The following GABRG3 variants were observed in gnomAD, a reference collection of about 807,000 sequenced individuals.
GABRG3 encodes gamma-aminobutyric acid type A receptor subunit gamma3.
In GABRG3, 25 loss-of-function variants were observed where a neutral mutation model predicts 48.8. That is an observed-to-expected ratio of 0.51 (90% CI 0.37 to 0.72). The LOEUF (loss-of-function observed/expected upper bound fraction) is 0.72, where lower values mean the gene tolerates loss of function less well. GABRG3 is among the 30% of genes least tolerant of loss of function. GABRG3 has a pLI of 0.00. For missense variants in GABRG3, 394 were observed against 577.9 expected (o/e 0.68, Z 3.26); for synonymous variants, 227 against 217.6 (o/e 1.04, Z -0.38).
intron 6 of GABRG3, among the ~76,000 whole-genome samples, chr15:27,508,603 T>A (rs1890817182): frequency 6.6e-6 from 1 of 152,208 alleles, no homozygotes; most frequent in East Asian, 1.9e-4. Context: ...AGTTTCTGAA[T>A]ATATTATATT....
chr15:27,203,574 G>A (rs1382170181), intron 3 of GABRG3, among the ~76,000 whole-genome samples: 1 of 152,110 alleles, frequency 6.6e-6, no homozygotes, highest in East Asian at 1.9e-4. Flanking sequence ...TGGGATTGTT[G>A]GGTCGAATTA....
intron 3 of GABRG3, among the ~76,000 whole-genome samples, chr15:27,249,876 AATTAC>A (rs1890398979): frequency 6.6e-6 from 1 of 152,186 alleles, no homozygotes; most frequent in Non-Finnish European, 1.5e-5. Flanking sequence ...GCATTAAGAT[AATTAC>A]ATTATCATAA....
chr15:26,977,430 G>A (rs548739451), intron 2 of GABRG3, among the ~76,000 whole-genome samples: 10 of 152,236 alleles, frequency 6.6e-5, no homozygotes, highest in South Asian at 4.2e-4. Flanking sequence ...AGTGGATCTC[G>A]TATCACCTCT....
intron 6 of GABRG3, among the ~76,000 whole-genome samples, chr15:27,507,267 G>A (rs1347697204): frequency 6.6e-6 from 1 of 152,034 alleles, no homozygotes; most frequent in Non-Finnish European, 1.5e-5. Context: ...TATTTTTCAG[G>A]CTGAGGCAGG....
chr15:27,040,664 C>A (rs945833200), intron 3 of GABRG3, among the ~76,000 whole-genome samples: 10 of 152,178 alleles, frequency 6.6e-5, no homozygotes, highest in Non-Finnish European at 8.8e-5. Flanking sequence ...AAGATAGAAG[C>A]GTCCTTGGAA....
chr15:27,101,735 C>A (rs1308501777), intron 3 of GABRG3, among the ~76,000 whole-genome samples: 3 of 151,356 alleles, frequency 2.0e-5, no homozygotes, highest in Non-Finnish European at 4.4e-5. Context: ...AAACAACACC[C>A]TAGACCAGGG....
chr15:27,473,683 T>C (rs1377211218), intron 5 of GABRG3, among the ~76,000 whole-genome samples: 1 of 152,212 alleles, frequency 6.6e-6, no homozygotes, highest in African/African-American at 2.4e-5. Context: ...AGTCAGGTAA[T>C]AGATGAAATG....
intron 5 of GABRG3, among the ~76,000 whole-genome samples, chr15:27,369,320 C>A (rs1895316340): frequency 6.6e-6 from 1 of 152,144 alleles, no homozygotes; most frequent in Non-Finnish European, 1.5e-5. Context: ...TGTAAATGAC[C>A]TTTCAATTAA....
chr15:27,102,381 A>C (rs1285694967), intron 3 of GABRG3, among the ~76,000 whole-genome samples: 1 of 152,168 alleles, frequency 6.6e-6, no homozygotes, highest in African/African-American at 2.4e-5. Flanking sequence ...AGCTCTAAAA[A>C]CTGATTAGGA....
intron 3 of GABRG3, among the ~76,000 whole-genome samples, chr15:27,305,498 A>C (rs999997288): frequency 6.8e-6 from 1 of 146,236 alleles, no homozygotes; most frequent in African/African-American, 2.5e-5. Flanking sequence ...TTTTATATAT[A>C]TATAAACATA....
intron 3 of GABRG3, among the ~76,000 whole-genome samples, chr15:27,171,339 A>G (rs1424226347): frequency 6.6e-6 from 1 of 152,154 alleles, no homozygotes; most frequent in Non-Finnish European, 1.5e-5. Flanking sequence ...GTAAATGAAA[A>G]TTATGTTTTT....
chr15:27,484,645 T>A (rs74006959), intron 6 of GABRG3, among the ~76,000 whole-genome samples: 3 of 152,070 alleles, frequency 2.0e-5, no homozygotes, highest in Non-Finnish European at 4.4e-5. Context: ...CTTGGAGAAG[T>A]GGCAGATTGT....
chr15:27,269,188 G>A (rs1891007734), intron 3 of GABRG3, among the ~76,000 whole-genome samples: 1 of 152,006 alleles, frequency 6.6e-6, no homozygotes. Context: ...TCATCCTCCT[G>A]CCAGGTCAGT....
chr15:26,971,426 C>A lies in GABRG3; in HGVS notation c.-110C>A. 1.1e-6 allele frequency: 1 copy of A among 872,556 alleles called. No individual in the cohort carries two copies. Among genetic ancestry groups the A allele is most frequent in the South Asian group, 2.5e-5 (1 of 39,384 alleles). The allele number at this position is 872,556 out of a possible 1,614,324, so 54.1% of individuals were successfully genotyped here. On this transcript the variant is annotated 5_prime_UTR_variant, in exon 1 of 10. Transcript: ENST00000615808. Reference sequence around the variant, plus strand: ...TACCTGTCCCGCCCGCCGCGGCCAGCAGCCTCGGAGGAAGCCAGGGCAAAG... The same window carrying A: ...TACCTGTCCCGCCCGCCGCGGCCAGAAGCCTCGGAGGAAGCCAGGGCAAAG...
chr15:27,076,747 C>T (rs898504847), intron 3 of GABRG3, among the ~76,000 whole-genome samples: 6 of 152,122 alleles, frequency 3.9e-5, no homozygotes, highest in Non-Finnish European at 7.3e-5. Context: ...TGGAGTGACA[C>T]TGCCACAAGT....
intron 2 of GABRG3, among the ~76,000 whole-genome samples, chr15:26,991,869 C>T (rs866618816): frequency 6.6e-5 from 10 of 151,924 alleles, no homozygotes; most frequent in African/African-American, 1.7e-4. Flanking sequence ...TACAGGTGCC[C>T]GCCACCATGC....
chr15:27,126,975 T>A (rs912848174), intron 3 of GABRG3, among the ~76,000 whole-genome samples: 1 of 152,146 alleles, frequency 6.6e-6, no homozygotes, highest in Admixed American at 6.5e-5. Flanking sequence ...ACAGACCTCA[T>A]GGCCAGCGGA....
chr15:27,040,884 T>C (rs1004996301), intron 3 of GABRG3, among the ~76,000 whole-genome samples: 2 of 152,232 alleles, frequency 1.3e-5, no homozygotes, highest in Non-Finnish European at 2.9e-5. Context: ...TTTCTTCTTC[T>C]GAAATTGTTC....
intron 2 of GABRG3, among the ~76,000 whole-genome samples, chr15:26,997,101 T>C (rs1595461932): frequency 6.6e-6 from 1 of 152,210 alleles, no homozygotes; most frequent in Non-Finnish European, 1.5e-5. Context: ...AAATCTACTG[T>C]TGAATGTCTC....
Sources: gnomAD v4.1 joint callset for allele counts (sites outside exome capture counted in the v4.1 genomes callset) on GRCh38, gnomAD v4.1.1 for gene constraint, MANE v1.5 for transcripts, NCBI Gene and HGNC (gene_info 2026-07-23, HGNC 2026-07-21) for gene names.